ZBTB20: variants seen among roughly 807,000 people sequenced by gnomAD.
The protein encoded by ZBTB20 is zinc finger and BTB domain-containing protein 20.
A neutral mutation model predicts 56.9 loss-of-function variants in ZBTB20; 9 were observed. That is an observed-to-expected ratio of 0.16 (90% confidence interval 0.10 to 0.28). ZBTB20 has a LOEUF of 0.28. ZBTB20 is among the 10% of genes least tolerant of loss of function. ZBTB20 has a pLI of 1.00. For synonymous variants in ZBTB20, 417 were observed against 420.7 expected (o/e 0.99, Z 0.11); for missense variants, 655 against 1,003.0 (o/e 0.65, Z 4.69).
chr3:115,058,586 G>A (rs56176871), intron 2 of ZBTB20, among the ~76,000 whole-genome samples: 13,465 of 152,044 alleles, frequency 0.089, 1,735 homozygotes, highest in African/African-American at 0.28. Context: ...AAAATTAGCC[G>A]GGCAAGGTGG....
chr3:114,823,465 G>GA (rs1289529901), intron 4 of ZBTB20, among the ~76,000 whole-genome samples: 3 of 148,126 alleles, frequency 2.0e-5, no homozygotes, highest in African/African-American at 5.1e-5. Context: ...AAGAATATAA[G>GA]AAAAAATCAA....
chr3:115,037,923 C>T (rs2080993401), intron 2 of ZBTB20, among the ~76,000 whole-genome samples: 1 of 152,124 alleles, frequency 6.6e-6, no homozygotes, highest in Non-Finnish European at 1.5e-5. Flanking sequence ...GGTTTTAGTA[C>T]ATAGAATAAT....
In ZBTB20 at chr3:114,402,353, T is replaced by C. The variant is rs542708947; in HGVS notation, c.-254-13248A>G. Among the ~76,000 whole-genome samples, 4 of 152,214 alleles carry C rather than the reference T, an allele frequency of 2.6e-5. No individual in the cohort carries two copies. The East Asian group carries it at 5.8e-4, about 22-fold the overall frequency. On this transcript the variant is annotated intron_variant, in intron 7 of 11. Transcript: ENST00000675478. ...CTCCAAATCCATAAACAAAGGAGTA[T>C]TGAATTGAAGAAGCAAACAGGAGAA...
intron 5 of ZBTB20, among the ~76,000 whole-genome samples, chr3:114,726,805 A>G (rs1242031166): frequency 6.8e-6 from 1 of 146,668 alleles, no homozygotes; most frequent in Non-Finnish European, 1.5e-5. Context: ...CCCGCTGCTC[A>G]GGAGGCTGAG....
chr3:114,622,618 T>G (rs2058396495), intron 6 of ZBTB20, among the ~76,000 whole-genome samples: 1 of 152,198 alleles, frequency 6.6e-6, no homozygotes, highest in South Asian at 2.1e-4. Flanking sequence ...TATATGAGCA[T>G]GTATGAGTTC....
chr3:114,934,927 G>A (rs1408120718), intron 3 of ZBTB20, among the ~76,000 whole-genome samples: 1 of 152,116 alleles, frequency 6.6e-6, no homozygotes, highest in Non-Finnish European at 1.5e-5. Context: ...TATACTCACA[G>A]TGAGCTTATT....
intron 7 of ZBTB20, among the ~76,000 whole-genome samples, chr3:114,425,823 T>C (rs2089597321): frequency 6.6e-6 from 1 of 152,224 alleles, no homozygotes; most frequent in South Asian, 2.1e-4. Context: ...ATTCTCTCTT[T>C]CCTTTTAAAT....
At chr3:114,747,156 C>T (rs2067104428) in intron 5 of ZBTB20, among the ~76,000 whole-genome samples, 1 of 152,156 alleles carries the variant, frequency 6.6e-6, no homozygotes, top group Non-Finnish European at 1.5e-5. Context: ...TTTTAAAATA[C>T]TAACCTTTTA....
intron 6 of ZBTB20, among the ~76,000 whole-genome samples, chr3:114,552,267 C>T (rs2050679592): frequency 6.6e-6 from 1 of 152,088 alleles, no homozygotes; most frequent in Non-Finnish European, 1.5e-5. Flanking sequence ...TTATTCACTA[C>T]CACATAGCTT....
chr3:114,721,681 C>G (rs545208349), intron 5 of ZBTB20, among the ~76,000 whole-genome samples: 2 of 152,118 alleles, frequency 1.3e-5, no homozygotes, highest in African/African-American at 2.4e-5. Context: ...GACTCCAGAG[C>G]CTGTTCTCCT....
chr3:114,379,266 T>A (rs2084026377), intron 10 of ZBTB20: 1 of 152,260 alleles, frequency 6.6e-6, no homozygotes, highest in South Asian at 2.1e-4. Context: ...TAAAGAAGAA[T>A]ATGCCAGTTA....
chr3:115,090,383 CT>C (rs1430594527), intron 1 of ZBTB20, among the ~76,000 whole-genome samples: 3 of 151,652 alleles, frequency 2.0e-5, no homozygotes, highest in South Asian at 4.1e-4. Flanking sequence ...GTTATTTAAA[CT>C]TTTTTCCCTC....
chr3:114,609,791 G>A (rs916601447), intron 6 of ZBTB20, among the ~76,000 whole-genome samples: 2 of 152,188 alleles, frequency 1.3e-5, no homozygotes, highest in East Asian at 3.8e-4. Flanking sequence ...GGATCAGACA[G>A]CATCAGGACA....
intron 1 of ZBTB20, among the ~76,000 whole-genome samples, chr3:115,137,140 G>A (rs2084672047): frequency 6.6e-6 from 1 of 151,828 alleles, no homozygotes; most frequent in Non-Finnish European, 1.5e-5. Flanking sequence ...AAAAATAAGA[G>A]AATAAAGAAA....
chr3:114,835,579 T>C (rs1425359941), intron 4 of ZBTB20, among the ~76,000 whole-genome samples: 2 of 152,158 alleles, frequency 1.3e-5, no homozygotes, highest in African/African-American at 4.8e-5. Context: ...CGCCAGTTCA[T>C]AATAGTATCT....
At chr3:114,779,518 G>A (rs1007656944) in intron 5 of ZBTB20, among the ~76,000 whole-genome samples, 3 of 151,982 alleles carry the variant, frequency 2.0e-5, no homozygotes, top group African/African-American at 7.3e-5. Context: ...GGTTCATTTG[G>A]GTTTGTAACC....
intron 2 of ZBTB20, among the ~76,000 whole-genome samples, chr3:115,070,212 T>C (rs2108508022): frequency 6.6e-6 from 1 of 152,280 alleles, no homozygotes; most frequent in South Asian, 2.1e-4. Context: ...AGGCAATCTT[T>C]CACAGTTGTC....
rs113914738 is a variant in ZBTB20 at position 114,674,959 on chromosome 3, C to T, written c.-295+18569G>A. ...AACAGAAGAAAAGGTATCCTATAAA[C>T]TGCTTTTGCTGAGGTCTCTAGTAGA... On this transcript the variant is annotated intron_variant, in intron 6 of 11. Coordinates refer to ENST00000675478, the MANE Select transcript of ZBTB20 (RefSeq NM_001348800.3). Among the ~76,000 whole-genome samples, 37 of 151,296 alleles carry T rather than the reference C, an allele frequency of 2.4e-4. 1 individual carries two copies. The highest frequency in any genetic ancestry group is 8.5e-4 in the African/African-American group (35 of 41,320).
intron 5 of ZBTB20, among the ~76,000 whole-genome samples, chr3:114,755,018 T>C (rs2067898252): frequency 6.6e-6 from 1 of 152,192 alleles, no homozygotes; most frequent in African/African-American, 2.4e-5. Context: ...GGCAGTTTCC[T>C]AAACTGCAGA....
Sources: gnomAD v4.1 joint callset for allele counts (sites outside exome capture counted in the v4.1 genomes callset) on GRCh38, gnomAD v4.1.1 for gene constraint, MANE v1.5 for transcripts, NCBI Gene and HGNC (gene_info 2026-07-23, HGNC 2026-07-21) for gene names.